SHC1: variants seen among roughly 807,000 people sequenced by gnomAD.
SHC1 encodes the protein SHC-transforming protein 1.
SHC1 carries 30 observed loss-of-function variants against 55.9 expected under a neutral mutation model. That is an observed-to-expected ratio of 0.54 (90% CI 0.40 to 0.73). The LOEUF (loss-of-function observed/expected upper bound fraction) is 0.73. SHC1 is among the 30% of genes least tolerant of loss of function. The probability of loss-of-function intolerance (pLI) is 0.00; values close to 1 mark genes in which losing one functional copy is unlikely to be tolerated. For missense variants in SHC1, 675 were observed against 777.1 expected, an observed-to-expected ratio of 0.87 and a Z score of 1.56; for synonymous variants, 309 against 306.1, an observed-to-expected ratio of 1.01 and a Z score of -0.10.
At position 154,963,597 on chromosome 1, in the gene SHC1, T is replaced by C; in HGVS notation, c.*206A>G. The C allele has an allele frequency of 9.1e-6, 5 of 552,434 alleles. No individual in the cohort carries two copies. Among genetic ancestry groups the C allele is most frequent in the Non-Finnish European group, 1.6e-5 (5 of 309,400 alleles). 34.2% of individuals were successfully genotyped at this position (552,434 alleles called of 1,614,324 possible). On this transcript the variant is annotated 3_prime_UTR_variant, in exon 12 of 12. Transcript: ENST00000448116. ...ACTCTGTACATTAATACTTTGGTGA[T>C]TAATGTTTGGGGAGAGGCAGGATTC...
chr1:154,970,428 C>T lies in SHC1; in HGVS notation c.99G>A (p.Glu33=). ...EGASGSTPPE[E]LPSPSASSLG... Reference sequence around the variant, plus strand: ...GGGATGAAGCTGATGGGGAAGGCAGCTCCTCCGGGGGGGTGGACCCAGAAG... The same window carrying T: ...GGGATGAAGCTGATGGGGAAGGCAGTTCCTCCGGGGGGGTGGACCCAGAAG... Residue 33 remains glutamate, a synonymous_variant, in exon 1 of 12, where the codon GAG becomes GAA. Coordinates refer to ENST00000448116, the MANE Select transcript of SHC1 (RefSeq NM_001130040.2). This position sits in a 1 kb window ranked among gnomAD's most constrained non-coding sequence, Gnocchi z 5.5. 2 of 1,608,400 alleles carry T rather than the reference C, an allele frequency of 1.2e-6. No homozygotes were observed. Among genetic ancestry groups the T allele is most frequent in the South Asian group, 1.1e-5 (1 of 90,474 alleles).
chr1:154,968,155 C>G, intron 5 of SHC1, 49 bp downstream of exon 5: 1 of 1,600,388 alleles, frequency 6.2e-7, no homozygotes, highest in East Asian at 2.2e-5. Context: ...TTCCCAATCC[C>G]TAGCCCCTTG....
At position 154,968,522 on chromosome 1, in the gene SHC1, G is replaced by A. The variant is rs1656302594; in HGVS notation, c.723C>T (p.Leu241=). The A allele has an allele frequency of 6.2e-7, 1 of 1,614,048 alleles. No individual in the cohort carries two copies. The highest frequency in any genetic ancestry group is 2.2e-5 in the East Asian group (1 of 44,904). The change falls in exon 4 of 12, where the codon CTC becomes CTT. Residue 241 remains leucine, a synonymous_variant. Transcript: ENST00000448116. ...GTTTGCAGTCTGCGGCCATGAGGTT[G>A]AGGCTGCTGGTGGAGACGGTGAGAG... is the stretch of plus-strand genomic sequence containing the variant. ...PITLTVSTSS[L]NLMAADCKQI... is the part of the protein sequence containing the mutation.
Position 154,962,315 on chromosome 1 carries a change from T to TCATTA in SHC1, c.*1487_*1488insTAATG, listed in dbSNP as rs1288613347. 6.5e-6 allele frequency: 1 copy of TCATTA among 152,758 alleles called. No homozygotes were observed. The highest frequency in any genetic ancestry group is 1.5e-5 in the Non-Finnish European group (1 of 68,052). 9.5% of individuals were successfully genotyped at this position (152,758 alleles called of 1,614,324 possible). On this transcript the variant is annotated 3_prime_UTR_variant, in exon 12 of 12. Transcript: ENST00000448116. Reference sequence around the variant, plus strand: ...GGCAGAGGTAGAAGAAATACGGACTTTAATGAAGAGTTTTCCCTTTGGTAT... The same window carrying TCATTA: ...GGCAGAGGTAGAAGAAATACGGACTTCATTATAATGAAGAGTTTTCCCTTTGGTAT...
At chr1:154,965,317 G>A in intron 11 of SHC1, 2 of 1,424,600 alleles carry the variant, frequency 1.4e-6, no homozygotes, top group Admixed American at 4.3e-5. Flanking sequence ...GATTACAGGT[G>A]TGAGCCACCA....
Position 154,970,294 on chromosome 1 carries a change from G to A in SHC1, c.233C>T (p.Pro78Leu), listed in dbSNP as rs1293370424. The change falls in exon 1 of 12, where the codon CCA becomes CTA. Residue 78 changes from proline (P) to leucine (L), a missense_variant. Coordinates refer to ENST00000448116, the MANE Select transcript of SHC1 (RefSeq NM_001130040.2). This position sits in a 1 kb window ranked among gnomAD's most constrained non-coding sequence, Gnocchi z 5.5. ...LRLANPAGGR[P>L]GSKGEPGRAA... is the part of the protein sequence containing the mutation. ...CCTTCCTGGCTCCCCCTTAGACCCTGGGCGCCCCCCAGCCGGGTTGGCCAG... is the reference window on the plus strand; with the variant it reads ...CCTTCCTGGCTCCCCCTTAGACCCTAGGCGCCCCCCAGCCGGGTTGGCCAG... 2 of 1,605,046 alleles carry A rather than the reference G, an allele frequency of 1.2e-6. No homozygotes were observed. The highest frequency in any genetic ancestry group is 1.7e-6 in the Non-Finnish European group (2 of 1,174,774).
rs8191979 is a variant in SHC1 at position 154,966,186 on chromosome 1, T to C, written c.1228A>G (p.Met410Val). The change falls in exon 9 of 12, where the codon ATG (methionine) becomes GTG (valine). Residue 410 changes from methionine to valine, a missense_variant. Physicochemically the swap from Met to Val is conservative, Grantham distance 21. Transcript: ENST00000448116. ...VGGDPEVRKQ[M>V]PPPPPCPAGR... ...CCTGGACAGGGTGGTGGAGGTGGCA[T>C]CTGTTTGCGGACTTCTGGATCTCCC... The C allele has an allele frequency of 0.039, 62,211 of 1,614,014 alleles. 1,760 individuals are homozygous for C. Among genetic ancestry groups the C allele is most frequent in the African/African-American group, 0.14 (10,467 of 74,976 alleles).
chr1:154,969,962 G>A (rs888681603), intron 1 of SHC1, 70 bp downstream of exon 1: 86 of 1,538,564 alleles, frequency 5.6e-5, no homozygotes, highest in East Asian at 6.8e-5. Context: ...AAGAGATTCC[G>A]GCCAAGCTGG....
chr1:154,971,823 G>A (rs1036349439), upstream of SHC1, among the ~76,000 whole-genome samples: 3 of 152,072 alleles, frequency 2.0e-5, no homozygotes, highest in African/African-American at 7.2e-5. Context: ...GGGGTGTCAG[G>A]AGAAGATGGG....
In SHC1 at chr1:154,962,349, C is replaced by A. The variant is rs189759941; in HGVS notation, c.*1454G>T. 445 of 152,892 alleles carry A rather than the reference C, an allele frequency of 2.9e-3. No homozygotes were observed. Among genetic ancestry groups the A allele is most frequent in the Non-Finnish European group, 4.2e-3 (288 of 68,036 alleles). The allele number at this position is 152,892 out of a possible 1,614,324, so 9.5% of individuals were successfully genotyped here. On this transcript the variant is annotated 3_prime_UTR_variant, in exon 12 of 12. Transcript: ENST00000448116. ...AGTTTTCCCTTTGGTATAAGTGAGA[C>A]CCGTGGAAACATCCAAACAGCAAAA...
rs1352736649 is a variant in SHC1 at position 154,965,715 on chromosome 1, C to T, written c.1454G>A (p.Arg485Gln). 19 of 1,614,012 alleles carry T rather than the reference C, an allele frequency of 1.2e-5. No individual in the cohort carries two copies. The highest frequency in any genetic ancestry group is 4.0e-5 in the African/African-American group (3 of 74,904). The change falls in exon 11 of 12, where the codon CGA becomes CAA. Residue 485 changes from arginine to glutamine, a missense_variant. Physicochemically the swap from Arg to Gln is conservative, Grantham distance 43. This residue lies in a region of SHC1 where 360 missense variants were observed against 371.1 expected (regional missense o/e 0.97). Coordinates refer to ENST00000448116, the MANE Select transcript of SHC1 (RefSeq NM_001130040.2). ...PQSVSMAEQL[R>Q]GEPWFHGKLS... Reference sequence around the variant, plus strand: ...CTTCCCATGGAACCAGGGCTCCCCTCGGAGCTGCTCAGCCATGGACACCGA... The same window carrying T: ...CTTCCCATGGAACCAGGGCTCCCCTTGGAGCTGCTCAGCCATGGACACCGA...
chr1:154,970,382 G>C lies in SHC1; in HGVS notation c.145C>G (p.Leu49Val), dbSNP rs1490142813. ...ASSLGPILPP[L>V]PGDDSPTTLC... is the part of the protein sequence containing the mutation. ...GTAGTGGGACTATCGTCCCCAGGCAGAGGAGGCAGGATGGGCCCCAGGGAT... is the reference window on the plus strand; with the variant it reads ...GTAGTGGGACTATCGTCCCCAGGCACAGGAGGCAGGATGGGCCCCAGGGAT... The change falls in exon 1 of 12, where the codon CTG becomes GTG. Residue 49 changes from leucine to valine, a missense_variant. Physicochemically the swap from Leu to Val is conservative, Grantham distance 32. Around this residue, in one of 3 missense-constraint regions of SHC1, gnomAD observed 156 missense variants for 159.1 expected, o/e 0.98. Transcript: ENST00000448116. The surrounding 1 kb of genome is among the most constrained non-coding windows in gnomAD (Gnocchi z 5.5). The C allele has an allele frequency of 1.2e-6, 2 of 1,603,390 alleles. No individual in the cohort carries two copies. The highest frequency in any genetic ancestry group is 1.7e-6 in the Non-Finnish European group (2 of 1,175,264).
At position 154,963,512 on chromosome 1, in the gene SHC1, C is replaced by T. The variant is rs1431102945; in HGVS notation, c.*291G>A. 1 of 320,954 alleles carries T rather than the reference C, an allele frequency of 3.1e-6. No homozygotes were observed. Among genetic ancestry groups the T allele is most frequent in the Non-Finnish European group, 6.0e-6 (1 of 167,976 alleles). 19.9% of individuals were successfully genotyped at this position (320,954 alleles called of 1,614,324 possible). On this transcript the variant is annotated 3_prime_UTR_variant, in exon 12 of 12. Coordinates refer to ENST00000448116, the MANE Select transcript of SHC1 (RefSeq NM_001130040.2). The stretch of plus-strand genomic sequence containing the variant: ...ACCACAGGACATTTTCCATGACAAG[C>T]ACTCACCTTCTTGGGGAAGGGGCAT...
rs1458387828 is a variant in SHC1 at position 154,962,897 on chromosome 1, C to A, written c.*906G>T. On this transcript the variant is annotated 3_prime_UTR_variant, in exon 12 of 12. Transcript: ENST00000448116. ...CTACTGCTTTATAGTCTCAATGCCC[C>A]TTTTCTCACCTCCACAAAATCCACC... 6.5e-6 allele frequency: 1 copy of A among 152,752 alleles called. No individual in the cohort carries two copies. Among genetic ancestry groups the A allele is most frequent in the Non-Finnish European group, 1.5e-5 (1 of 68,036 alleles). 9.5% of individuals were successfully genotyped at this position (152,752 alleles called of 1,614,324 possible).
At chr1:154,972,211 C>T (rs1430927856), upstream of SHC1, among the ~76,000 whole-genome samples, 1 of 151,522 alleles carries the variant, frequency 6.6e-6, no homozygotes, top group Non-Finnish European at 1.5e-5. Context: ...AGCCATTGCA[C>T]TCCAGCCTAG....
chr1:154,966,832 A>T (rs548908961), intron 7 of SHC1, among the ~76,000 whole-genome samples: 1 of 152,192 alleles, frequency 6.6e-6, no homozygotes, highest in East Asian at 1.9e-4. Flanking sequence ...GCCAGGTGCA[A>T]TGGCTCACGC....
chr1:154,968,185 GCT>G lies in SHC1; in HGVS notation c.804+17_804+18del. Reference sequence around the variant, plus strand: ...CCCTTGCTCTTCTCCCACCGCCTTTGCTCTGTTCCCCAACTCACCGGATCCCC... The same window carrying G: ...CCCTTGCTCTTCTCCCACCGCCTTTGCTGTTCCCCAACTCACCGGATCCCC... On this transcript the variant is annotated intron_variant, in intron 5 of 11. Transcript: ENST00000448116. 2 of 1,612,836 alleles carry G rather than the reference GCT, an allele frequency of 1.2e-6. No individual in the cohort carries two copies. The highest frequency in any genetic ancestry group is 1.7e-6 in the Non-Finnish European group (2 of 1,178,936).
Position 154,966,450 on chromosome 1 carries a change from T to C in SHC1, c.1051A>G (p.Asn351Asp), listed in dbSNP as rs1655995565. The change falls in exon 8 of 12, where the codon AAT becomes GAT. Residue 351 changes from asparagine to aspartate, a missense_variant. Coordinates refer to ENST00000448116, the MANE Select transcript of SHC1 (RefSeq NM_001130040.2). The stretch of plus-strand genomic sequence containing the variant: ...GGGGGTTCCTTCCCCGGGAAGTCAT[T>C]ATAGTACTGATGGTCAGGTGGCTCT... The part of the protein sequence containing the change: ...EEEPPDHQYY[N>D]DFPGKEPPLG... 1.9e-6 allele frequency: 3 copies of C among 1,612,700 alleles called. No individual in the cohort carries two copies. Among genetic ancestry groups the C allele is most frequent in the Non-Finnish European group, 2.5e-6 (3 of 1,179,314 alleles).
At chr1:154,972,812 C>T (rs942659681), upstream of SHC1, among the ~76,000 whole-genome samples, 1 of 151,886 alleles carries the variant, frequency 6.6e-6, no homozygotes, top group African/African-American at 2.4e-5. Context: ...GGAATGTTTC[C>T]AGCAGGGAAG....
Sources: allele counts gnomAD v4.1 joint callset (sites outside exome capture counted in the v4.1 genomes callset), GRCh38; gene constraint gnomAD v4.1.1; regional missense constraint gnomAD v4.1.1; non-coding constraint Gnocchi (gnomAD v3.1); transcripts MANE v1.5; gene names NCBI Gene and HGNC (gene_info 2026-07-23, HGNC 2026-07-21).